LAMA2: variants seen among roughly 807,000 people sequenced by gnomAD.
The protein encoded by LAMA2 is laminin subunit alpha-2.
Under a neutral mutation model 364.8 loss-of-function variants are expected in LAMA2, and 269 were observed. The observed-to-expected ratio is 0.74, with a 90% CI of 0.67 to 0.82. LAMA2 has a LOEUF of 0.82. Among genes scored for constraint, LAMA2 ranks in the 40% least tolerant of loss-of-function variants. The pLI is 0.00. For missense variants in LAMA2, 3,807 were observed against 3,873.2 expected, an observed-to-expected ratio of 0.98 and a Z score of 0.45; for synonymous variants, 1,379 against 1,370.6, an observed-to-expected ratio of 1.01 and a Z score of -0.14.
At chr6:128,993,016 A>G (rs1345844430) in intron 1 of LAMA2, among the ~76,000 whole-genome samples, 1 of 152,170 alleles carries the variant, frequency 6.6e-6, no homozygotes, top group Non-Finnish European at 1.5e-5. Context: ...TATATGCCAG[A>G]CTCATCACTG....
chr6:128,981,365 C>A (rs764133976), intron 1 of LAMA2, among the ~76,000 whole-genome samples: 10 of 152,070 alleles, frequency 6.6e-5, no homozygotes, highest in African/African-American at 9.7e-5. Flanking sequence ...GGATCTACTT[C>A]CTTTCAGCAT....
At chr6:129,427,517 G>A (rs552626795) in intron 40 of LAMA2, among the ~76,000 whole-genome samples, 1 of 152,186 alleles carries the variant, frequency 6.6e-6, no homozygotes, top group East Asian at 1.9e-4. Context: ...CACTTTCTCT[G>A]CCTACTCCCT....
intron 30 of LAMA2, among the ~76,000 whole-genome samples, chr6:129,348,180 T>C (rs1175689860): frequency 6.6e-6 from 1 of 152,244 alleles, no homozygotes; most frequent in Non-Finnish European, 1.5e-5. Context: ...ATTTGTTGGA[T>C]AATGCGTTTG....
intron 58 of LAMA2, among the ~76,000 whole-genome samples, chr6:129,501,783 A>C (rs1009643942): frequency 6.6e-6 from 1 of 152,216 alleles, no homozygotes; most frequent in African/African-American, 2.4e-5. Flanking sequence ...TCTTGTGAAA[A>C]TAGAGAACAG....
At chr6:128,913,559 T>A (rs1394912693) in intron 1 of LAMA2, among the ~76,000 whole-genome samples, 2 of 152,190 alleles carry the variant, frequency 1.3e-5, no homozygotes, top group Non-Finnish European at 2.9e-5. Flanking sequence ...GATTCCATTT[T>A]AAAAGTGTGT....
intron 22 of LAMA2, among the ~76,000 whole-genome samples, chr6:129,305,817 T>C (rs1414885639): frequency 6.6e-6 from 1 of 152,076 alleles, no homozygotes; most frequent in Non-Finnish European, 1.5e-5. Context: ...TATCTGCTCT[T>C]GCCTTTTTTT....
intron 1 of LAMA2, among the ~76,000 whole-genome samples, chr6:128,985,444 C>G (rs1027795842): frequency 6.6e-6 from 1 of 151,936 alleles, no homozygotes; most frequent in African/African-American, 2.4e-5. Context: ...ATTGACTTAC[C>G]TTAATAATAA....
intron 3 of LAMA2, among the ~76,000 whole-genome samples, chr6:129,096,376 G>A (rs1775188304): frequency 6.6e-6 from 1 of 152,046 alleles, no homozygotes; most frequent in Non-Finnish European, 1.5e-5. Context: ...GCAGAATACG[G>A]GATGGAAAAT....
At position 129,442,301 on chromosome 6, in the gene LAMA2, A is replaced by G. The variant is rs575375170; in HGVS notation, c.6269-762A>G. On this transcript the variant is annotated intron_variant, in intron 43 of 64. Transcript: ENST00000421865. The stretch of plus-strand genomic sequence containing the variant: ...CATGAGCAAGGAAGAGTACAAACAC[A>G]TATAACATAAACTTCAGAGCCAGGG... The G allele has an allele frequency of 1.3e-5, 13 of 998,902 alleles. No homozygotes were observed. The East Asian group carries it at 3.0e-4, about 23-fold the overall frequency. The allele number at this position is 998,902 out of a possible 1,614,324, so 61.9% of individuals were successfully genotyped here.
intron 1 of LAMA2, among the ~76,000 whole-genome samples, chr6:128,972,854 C>T (rs776258336): frequency 2.0e-4 from 31 of 152,004 alleles, no homozygotes; most frequent in Admixed American, 6.5e-4. Context: ...ACTCTAATTC[C>T]AAATCATCTC....
At chr6:128,929,001 G>T in intron 1 of LAMA2, 1 of 1,302,304 alleles carries the variant, frequency 7.7e-7, no homozygotes, top group Non-Finnish European at 1.1e-6. Flanking sequence ...AGCAGAAGGA[G>T]TTAGATGAAG....
rs1435033191 is a variant in LAMA2 at position 129,224,972 on chromosome 6, T to C, written c.1783-25140T>C. ...TGAATCCATCTGGTCCTGGACTTTT[T>C]TTGGTTGGTAGGCTATTAATTATTG... On this transcript the variant is annotated intron_variant, in intron 12 of 64. Transcript: ENST00000421865. Among the ~76,000 whole-genome samples the C allele has an allele frequency of 3.3e-5, 5 of 152,090 alleles. No homozygotes were observed. In the East Asian group the frequency reaches 9.7e-4, roughly 29 times the overall value.
At chr6:129,366,097 G>T (rs745365779) in intron 32 of LAMA2, 122 bp from the exon 33 acceptor site, 1 of 996,968 alleles carries the variant, frequency 1.0e-6, no homozygotes, top group Non-Finnish European at 1.6e-6. Flanking sequence ...ATTCTGAGAT[G>T]AGTAGTTTCA....
At chr6:129,267,067 T>G (rs1222516711) in intron 15 of LAMA2, 39 bp from the exon 16 acceptor site, 1 of 1,302,570 alleles carries the variant, frequency 7.7e-7, no homozygotes, top group South Asian at 1.2e-5. Context: ...CTTTTTGTTT[T>G]AATCTCCAAG....
At chr6:129,451,609 CAAAT>C (rs1184780897) in intron 45 of LAMA2, among the ~76,000 whole-genome samples, 5 of 152,140 alleles carry the variant, frequency 3.3e-5, no homozygotes, top group African/African-American at 2.4e-5. Flanking sequence ...CAACAATAAA[CAAAT>C]AAATGACTTA....
intron 43 of LAMA2, chr6:129,442,319 A>C: frequency 1.2e-6 from 1 of 817,442 alleles, no homozygotes; most frequent in Non-Finnish European, 1.6e-6. Flanking sequence ...TAAACTTCAG[A>C]GCCAGGGTGA....
intron 16 of LAMA2, among the ~76,000 whole-genome samples, chr6:129,268,427 T>G (rs1787664394): frequency 6.6e-6 from 1 of 152,062 alleles, no homozygotes; most frequent in Non-Finnish European, 1.5e-5. Context: ...TGGAATTGTT[T>G]TACTTACCCT....
At position 129,438,732 on chromosome 6, in the gene LAMA2, A is replaced by T. The variant is rs771196571; in HGVS notation, c.6055A>T (p.Thr2019Ser). The T allele has an allele frequency of 1.3e-6, 2 of 1,599,976 alleles. No individual in the cohort carries two copies. Among genetic ancestry groups the T allele is most frequent in the Non-Finnish European group, 1.7e-6 (2 of 1,167,552 alleles). ...NGDLLRTLND[T>S]LGKLSAIPND... ...GGATCTCTTGAGAACTTTGAATGACACTTTGGGAAAGTTATCAGCTATTCC... is the reference window on the plus strand; with the variant it reads ...GGATCTCTTGAGAACTTTGAATGACTCTTTGGGAAAGTTATCAGCTATTCC... Residue 2019 changes from threonine (T) to serine (S), a missense_variant, in exon 42 of 65, where the codon ACT becomes TCT. Physicochemically the swap from Thr to Ser is moderately conservative, Grantham distance 58 (BLOSUM62 1). Coordinates refer to ENST00000421865, the MANE Select transcript of LAMA2 (RefSeq NM_000426.4).
chr6:129,478,274 GAT>G (rs1491579555), intron 53 of LAMA2, among the ~76,000 whole-genome samples: 10 of 87,176 alleles, frequency 1.1e-4, no homozygotes, highest in African/African-American at 3.1e-4. Context: ...AACGTTTTCA[GAT>G]TTTTTTTTCT....
Sources: allele counts gnomAD v4.1 joint callset (sites outside exome capture counted in the v4.1 genomes callset), GRCh38; gene constraint gnomAD v4.1.1; transcripts MANE v1.5; gene names NCBI Gene and HGNC (gene_info 2026-07-23, HGNC 2026-07-21).